SORCS2: variants seen among roughly 807,000 people sequenced by gnomAD.
The protein encoded by SORCS2 is VPS10 domain-containing receptor SorCS2.
In SORCS2, 100 loss-of-function variants were observed where a neutral mutation model predicts 141.6. The ratio of observed to expected loss-of-function variants is 0.71; its 90% CI spans 0.60 to 0.83. The LOEUF (loss-of-function observed/expected upper bound fraction) is 0.83, where lower values mean the gene tolerates loss of function less well. Among genes scored for constraint, SORCS2 ranks in the 40% least tolerant of loss-of-function variants. SORCS2 has a pLI of 0.00. For missense variants in SORCS2, 1,646 were observed against 1,560.2 expected, an observed-to-expected ratio of 1.05 and a Z score of -0.93; for synonymous variants, 789 against 676.9, an observed-to-expected ratio of 1.17 and a Z score of -2.57.
At chr4:7,273,948 A>G (rs533146088) in intron 1 of SORCS2, among the ~76,000 whole-genome samples, 4 of 152,190 alleles carry the variant, frequency 2.6e-5, no homozygotes, top group Non-Finnish European at 5.9e-5. Flanking sequence ...CATGGAGACA[A>G]TGTGGCCTCC....
At chr4:7,538,697 C>T (rs1363131115) in intron 3 of SORCS2, among the ~76,000 whole-genome samples, 5 of 152,158 alleles carry the variant, frequency 3.3e-5, no homozygotes, top group Non-Finnish European at 2.9e-5. Flanking sequence ...CCATATCACC[C>T]GGGCCCTTGA....
chr4:7,548,166 C>A (rs187091102), intron 3 of SORCS2, among the ~76,000 whole-genome samples: 1 of 152,208 alleles, frequency 6.6e-6, no homozygotes, highest in African/African-American at 2.4e-5. Context: ...AGGGCTCCAA[C>A]ACATATTACC....
intron 8 of SORCS2, among the ~76,000 whole-genome samples, chr4:7,672,916 C>T (rs928085928): frequency 6.6e-6 from 1 of 152,224 alleles, no homozygotes; most frequent in Non-Finnish European, 1.5e-5. Flanking sequence ...CTGTTACTCA[C>T]AAGCAAACCT....
chr4:7,713,753 T>G (rs1725983304), intron 15 of SORCS2, among the ~76,000 whole-genome samples: 2 of 152,176 alleles, frequency 1.3e-5, no homozygotes, highest in South Asian at 4.1e-4. Context: ...AGTGCTCAGA[T>G]GGGCCTAGGA....
rs753203295 is a variant in SORCS2, at chr4:7,661,576, A to C, written c.952+12A>C. The C allele has an allele frequency of 1.4e-5, 22 of 1,551,580 alleles. No homozygotes were observed. The highest frequency in any genetic ancestry group is 1.8e-5 in the Non-Finnish European group (21 of 1,146,938). Reference sequence around the variant, plus strand: ...AGACCTCGGTGGAGGTAAGCCGGGCAGTGCACAGGCACCGGGTATCCCTGA... The same window carrying C: ...AGACCTCGGTGGAGGTAAGCCGGGCCGTGCACAGGCACCGGGTATCCCTGA... On this transcript the variant is annotated intron_variant, in intron 6 of 26. Transcript: ENST00000507866.
chr4:7,500,852 C>T (rs1452318145), intron 2 of SORCS2, among the ~76,000 whole-genome samples: 1 of 152,224 alleles, frequency 6.6e-6, no homozygotes, highest in Non-Finnish European at 1.5e-5. Context: ...CACCTCGATG[C>T]TGGGAGCCAG....
rs777971350 is a variant in SORCS2, at chr4:7,638,452, A to G, written c.773A>G (p.Lys258Arg). ...GTGGAAACTCTGATTTTCCACCCTAAGGAGGAGGACAAGGTCCTCGCCTAC... is the reference window on the plus strand; with the variant it reads ...GTGGAAACTCTGATTTTCCACCCTAGGGAGGAGGACAAGGTCCTCGCCTAC... ...FFVETLIFHP[K>R]EEDKVLAYTK... Residue 258 changes from lysine (K) to arginine (R), a missense_variant, in exon 4 of 27, where the codon AAG becomes AGG. Lys to Arg is a conservative substitution (Grantham distance 26). Transcript: ENST00000507866. The G allele has an allele frequency of 1.9e-6, 3 of 1,611,120 alleles. No individual in the cohort carries two copies. Among genetic ancestry groups the G allele is most frequent in the South Asian group, 2.2e-5 (2 of 90,848 alleles).
At chr4:7,225,989 C>A (rs1302150707) in intron 1 of SORCS2, among the ~76,000 whole-genome samples, 2 of 152,194 alleles carry the variant, frequency 1.3e-5, no homozygotes, top group Non-Finnish European at 2.9e-5. Context: ...AACAAAGGCC[C>A]TGTCTCTCAC....
intron 1 of SORCS2, among the ~76,000 whole-genome samples, chr4:7,358,308 A>C (rs1721384249): frequency 6.6e-6 from 1 of 152,222 alleles, no homozygotes; most frequent in Non-Finnish European, 1.5e-5. Flanking sequence ...TTCTAACAGT[A>C]GCCTCCTAGG....
intron 1 of SORCS2, among the ~76,000 whole-genome samples, chr4:7,327,534 C>CA (rs1204502486): frequency 6.6e-6 from 1 of 152,256 alleles, no homozygotes; most frequent in Non-Finnish European, 1.5e-5. Flanking sequence ...TGCCACCCTG[C>CA]ACTCAGCCTC....
At chr4:7,523,127 T>TC (rs1733447473) in intron 2 of SORCS2, among the ~76,000 whole-genome samples, 1 of 150,766 alleles carries the variant, frequency 6.6e-6, no homozygotes, top group African/African-American at 2.4e-5. Context: ...CTCCTCCCTT[T>TC]CTTCCTTCCA....
intron 3 of SORCS2, among the ~76,000 whole-genome samples, chr4:7,565,485 A>C (rs1318553560): frequency 6.6e-6 from 1 of 152,212 alleles, no homozygotes; most frequent in Admixed American, 6.5e-5. Context: ...GATTAGGAAA[A>C]TATGATTAGC....
intron 2 of SORCS2, among the ~76,000 whole-genome samples, chr4:7,504,203 G>T (rs763723875): frequency 6.6e-6 from 1 of 152,212 alleles, no homozygotes; most frequent in Non-Finnish European, 1.5e-5. Context: ...CTCACTCCCA[G>T]CTCAAGCCCT....
At chr4:7,608,980 C>T (rs747536644) in intron 3 of SORCS2, among the ~76,000 whole-genome samples, 20 of 152,142 alleles carry the variant, frequency 1.3e-4, no homozygotes, top group Non-Finnish European at 2.8e-4. Context: ...CCAAATCCCT[C>T]TGTGCCCAGG....
intron 1 of SORCS2, among the ~76,000 whole-genome samples, chr4:7,374,111 CTTTCTTTCTTTCTTTCCCTCTTT>C: frequency 2.8e-5 from 1 of 35,848 alleles, no homozygotes; most frequent in Non-Finnish European, 5.3e-5. Flanking sequence ...GATTGAGATT[CTTTCTTTCTTTCTTTCCCTCTTT>C]CTTTCTTTCT....
At chr4:7,293,406 C>T (rs1716746935) in intron 1 of SORCS2, among the ~76,000 whole-genome samples, 1 of 152,180 alleles carries the variant, frequency 6.6e-6, no homozygotes, top group Non-Finnish European at 1.5e-5. Context: ...CTCACGACCT[C>T]CTGCGGTCCT....
intron 3 of SORCS2, among the ~76,000 whole-genome samples, chr4:7,599,494 G>A (rs1476276783): frequency 6.6e-6 from 1 of 152,176 alleles, no homozygotes; most frequent in African/African-American, 2.4e-5. Context: ...CCTTCAAAGG[G>A]GAAGTTGGAT....
intron 3 of SORCS2, among the ~76,000 whole-genome samples, chr4:7,626,691 A>G (rs796419291): frequency 3.5e-4 from 54 of 152,356 alleles, no homozygotes; most frequent in African/African-American, 1.2e-3. Flanking sequence ...TATCTTGTTC[A>G]TGGAACTCAC....
intron 2 of SORCS2, among the ~76,000 whole-genome samples, chr4:7,415,469 C>A (rs1244707891): frequency 1.3e-5 from 2 of 152,212 alleles, no homozygotes; most frequent in Non-Finnish European, 2.9e-5. Flanking sequence ...GTTCTCTGAC[C>A]ACAGCCAGAA....
Sources: gnomAD v4.1 joint callset for allele counts (sites outside exome capture counted in the v4.1 genomes callset) on GRCh38, gnomAD v4.1.1 for gene constraint, MANE v1.5 for transcripts, NCBI Gene and HGNC (gene_info 2026-07-23, HGNC 2026-07-21) for gene names.